ATXN7: variants seen among roughly 807,000 people sequenced by gnomAD.
The protein encoded by ATXN7 is ataxin-7.
In ATXN7, 12 loss-of-function variants were observed where a neutral mutation model predicts 70.5. The observed-to-expected ratio is 0.17, with a 90% CI of 0.11 to 0.28. The LOEUF (loss-of-function observed/expected upper bound fraction) is 0.28. Among genes scored for constraint, ATXN7 ranks in the 10% least tolerant of loss-of-function variants. ATXN7 has a pLI of 1.00. For synonymous variants in ATXN7, 498 were observed against 448.7 expected (o/e 1.11, Z -1.39); for missense variants, 1,256 against 1,131.7 (o/e 1.11, Z -1.58).
rs925859854 is a variant in ATXN7, at chr3:63,927,246, C to G, written c.394+14021C>G. ...ACCTTTTTGAATTTTCCACATCACT[C>G]TCTATATTGCTTTATAGCCATTATC... On this transcript the variant is annotated intron_variant, in intron 4 of 12. Coordinates refer to ENST00000674280, the MANE Select transcript of ATXN7 (RefSeq NM_001377405.1). Among the ~76,000 whole-genome samples, 3 of 152,126 alleles carry G rather than the reference C, an allele frequency of 2.0e-5. No homozygotes were observed. In the East Asian group the frequency reaches 5.8e-4, roughly 29 times the overall value.
chr3:63,881,674 G>T (rs1702915913), intron 1 of ATXN7, among the ~76,000 whole-genome samples: 1 of 152,100 alleles, frequency 6.6e-6, no homozygotes, highest in East Asian at 1.9e-4. Context: ...ATTTTTAGTA[G>T]AGACAGGGTT....
At chr3:63,864,448 C>T (rs1321458010) in intron 1 of ATXN7, 1 of 152,070 alleles carries the variant, frequency 6.6e-6, no homozygotes, top group Non-Finnish European at 1.5e-5. Context: ...TCTCGAACGC[C>T]GGCACTTGCG....
intron 9 of ATXN7, 129 bp downstream of exon 9, chr3:63,988,453 G>A: frequency 8.1e-7 from 1 of 1,231,502 alleles, no homozygotes; most frequent in Non-Finnish European, 1.1e-6. Flanking sequence ...TTTTTAAGGA[G>A]TTTTACTATG....
chr3:63,996,641 A>T (rs933145970), intron 12 of ATXN7, 158 bp downstream of exon 12: 9 of 801,604 alleles, frequency 1.1e-5, no homozygotes, highest in East Asian at 9.6e-5. Context: ...AAAAAAAAAA[A>T]GGTTCACGGC....
intron 1 of ATXN7, among the ~76,000 whole-genome samples, chr3:63,890,741 C>A (rs1703232244): frequency 6.6e-6 from 1 of 152,138 alleles, no homozygotes; most frequent in African/African-American, 2.4e-5. Context: ...GCTATAATGA[C>A]CCAAAACCCC....
At chr3:63,935,309 T>C (rs967043612) in intron 4 of ATXN7, among the ~76,000 whole-genome samples, 8 of 152,192 alleles carry the variant, frequency 5.3e-5, no homozygotes, top group Non-Finnish European at 1.2e-4. Context: ...TCACTGGTAT[T>C]GCACAGTGGC....
intron 5 of ATXN7, among the ~76,000 whole-genome samples, chr3:63,965,303 C>T (rs1477865592): frequency 3.9e-5 from 6 of 152,186 alleles, no homozygotes; most frequent in Non-Finnish European, 8.8e-5. Context: ...GAGGCAGTAT[C>T]AGTCCTTAGC....
intron 1 of ATXN7, among the ~76,000 whole-genome samples, chr3:63,869,423 CT>C (rs1702534013): frequency 1.3e-5 from 2 of 152,110 alleles, no homozygotes; most frequent in African/African-American, 4.8e-5. Context: ...TTTTTCTTTT[CT>C]TTTCTTTTTG....
chr3:63,922,284 C>T (rs941348991), intron 4 of ATXN7, among the ~76,000 whole-genome samples: 3 of 152,272 alleles, frequency 2.0e-5, no homozygotes, highest in Admixed American at 6.5e-5. Context: ...TCAAGAAATC[C>T]TCCCACCTCA....
At chr3:63,972,529 T>A (rs2106728328) in intron 5 of ATXN7, among the ~76,000 whole-genome samples, 1 of 152,360 alleles carries the variant, frequency 6.6e-6, no homozygotes, top group Middle Eastern at 3.4e-3. Flanking sequence ...TTAGAAAATC[T>A]GCCCAAAATT....
chr3:63,970,323 G>A (rs2075289698), intron 5 of ATXN7, among the ~76,000 whole-genome samples: 1 of 152,120 alleles, frequency 6.6e-6, no homozygotes, highest in Non-Finnish European at 1.5e-5. Flanking sequence ...CAGGGTTGCA[G>A]GAGCATAAAA....
intron 4 of ATXN7, among the ~76,000 whole-genome samples, chr3:63,914,228 G>C (rs1175801615): frequency 2.6e-5 from 4 of 152,186 alleles, no homozygotes; most frequent in Non-Finnish European, 5.9e-5. Flanking sequence ...TCCAAAGTTT[G>C]CCCATTGTTA....
At chr3:63,995,453 C>A (rs1470852108) in intron 11 of ATXN7, 52 bp from the exon 12 acceptor site, 3 of 1,595,180 alleles carry the variant, frequency 1.9e-6, no homozygotes, top group African/African-American at 2.7e-5. Context: ...ATCTGAAAGT[C>A]TCTGTGAATG....
intron 12 of ATXN7, chr3:63,997,867 A>G (rs78773963): frequency 6.1e-6 from 6 of 985,288 alleles, no homozygotes; most frequent in Admixed American, 6.2e-5. Context: ...GTATGGGGAA[A>G]ATATTTGTGA....
At chr3:63,871,449 G>C (rs1180552139) in intron 1 of ATXN7, among the ~76,000 whole-genome samples, 4 of 151,888 alleles carry the variant, frequency 2.6e-5, no homozygotes, top group Non-Finnish European at 1.5e-5. Flanking sequence ...TACAAAAAAA[G>C]AAAAAAAGGT....
chr3:63,997,724 C>T lies in ATXN7; in HGVS notation c.2661+1241C>T, dbSNP rs375616634. 9.4e-4 allele frequency: 1,460 copies of T among 1,550,648 alleles called. 2 individuals are homozygous for T. The highest frequency in any genetic ancestry group is 1.3e-3 in the Middle Eastern group (8 of 5,990). On this transcript the variant is annotated intron_variant, in intron 12 of 12. Coordinates refer to ENST00000674280, the MANE Select transcript of ATXN7 (RefSeq NM_001377405.1). The stretch of plus-strand genomic sequence containing the variant: ...TTTCATGATTTTTTTTCCCCTTCCT[C>T]GTCTTCAGAACTTAACTCAAATGCC...
chr3:63,988,029 C>T, intron 8 of ATXN7, 30 bp from the exon 9 acceptor site: 1 of 1,607,484 alleles, frequency 6.2e-7, no homozygotes, highest in African/African-American at 1.3e-5. Flanking sequence ...TAATGAGATT[C>T]CTCAGTTTCT....
intron 4 of ATXN7, among the ~76,000 whole-genome samples, chr3:63,914,857 TGAA>T (rs1469868774): frequency 1.3e-5 from 2 of 152,224 alleles, no homozygotes; most frequent in Admixed American, 6.5e-5. Context: ...ATGTTTTTCA[TGAA>T]GAACTAAGAC....
intron 5 of ATXN7, among the ~76,000 whole-genome samples, chr3:63,965,699 CTT>C (rs1268274503): frequency 6.6e-6 from 1 of 151,956 alleles, no homozygotes; most frequent in Non-Finnish European, 1.5e-5. Flanking sequence ...TCAAAATAAA[CTT>C]TATTTGGATA....
Sources: allele counts gnomAD v4.1 joint callset (sites outside exome capture counted in the v4.1 genomes callset), GRCh38; gene constraint gnomAD v4.1.1; transcripts MANE v1.5; gene names NCBI Gene and HGNC (gene_info 2026-07-23, HGNC 2026-07-21).